Variants in BOK observed in about 807,000 individuals in gnomAD.
BOK encodes the protein BCL2 family apoptosis regulator BOK.
Under a neutral mutation model 18.3 loss-of-function variants are expected in BOK, and 20 were observed. The ratio of observed to expected loss-of-function variants is 1.09; its 90% confidence interval spans 0.77 to 1.59. The LOEUF is 1.59. Ranked by LOEUF, BOK falls within the 40% of genes most tolerant of loss-of-function variation. The pLI, the probability that BOK is intolerant of heterozygous loss-of-function variation, is 0.00. For synonymous variants in BOK, 173 were observed against 142.4 expected (o/e 1.21, Z -1.53); for missense variants, 348 against 307.9 (o/e 1.13, Z -0.97).
chr2:241,571,249 T>G (rs2066713852), intron 4 of BOK, among the ~76,000 whole-genome samples: 1 of 147,364 alleles, frequency 6.8e-6, no homozygotes, highest in African/African-American at 2.4e-5. Context: ...GAGGGGTGGG[T>G]GTCAGAGCCA....
At chr2:241,565,425 A>T (rs2066595608) in intron 3 of BOK, among the ~76,000 whole-genome samples, 1 of 148,620 alleles carries the variant, frequency 6.7e-6, no homozygotes, top group Non-Finnish European at 1.5e-5. Context: ...TGGCAGTTGC[A>T]CCCCCAGCCC....
chr2:241,555,854 C>G (rs2066446892), upstream of BOK, among the ~76,000 whole-genome samples: 1 of 152,186 alleles, frequency 6.6e-6, no homozygotes, highest in Non-Finnish European at 1.5e-5. Context: ...AGACAGGAAG[C>G]AGGAAGTATG....
Position 241,562,788 on chromosome 2 carries a change from G to C in BOK, c.349+312G>C, listed in dbSNP as rs1173950616. Reference sequence around the variant, plus strand: ...GACCTGCAGTCCTGTGGGGTGGCACGTCCTAGGGCTGCCTGGTTTCCTGCA... The same window carrying C: ...GACCTGCAGTCCTGTGGGGTGGCACCTCCTAGGGCTGCCTGGTTTCCTGCA... On this transcript the variant is annotated intron_variant, in intron 3 of 4. Transcript: ENST00000318407. This position sits in a 1 kb window ranked among gnomAD's most constrained non-coding sequence, Gnocchi z 4.5. Among the ~76,000 whole-genome samples the C allele has an allele frequency of 2.0e-5, 3 of 152,192 alleles. No individual in the cohort carries two copies. The highest frequency in any genetic ancestry group is 7.2e-5 in the African/African-American group (3 of 41,438).
At position 241,572,393 on chromosome 2, in the gene BOK, G is replaced by C; in HGVS notation, c.610G>C (p.Ala204Pro). 2 of 1,602,372 alleles carry C rather than the reference G, an allele frequency of 1.2e-6. No individual in the cohort carries two copies. The highest frequency in any genetic ancestry group is 1.7e-6 in the Non-Finnish European group (2 of 1,178,912). Residue 204 changes from alanine (A) to proline (P), a missense_variant, in exon 5 of 5, where the codon GCC (alanine) becomes CCC (proline). Physicochemically the swap from Ala to Pro is conservative, Grantham distance 27 (BLOSUM62 -1). Transcript: ENST00000318407. Reference protein sequence around the residue: ...LCSFGRFLKAAFFVLLPER With the variant: ...LCSFGRFLKAPFFVLLPER ...CAGCTTCGGCCGCTTCCTGAAGGCT[G>C]CCTTCTTCGTGCTGCTGCCAGAGAG...
In BOK at chr2:241,560,067, A is replaced by G. The variant is rs939582003; in HGVS notation, c.220+364A>G. ...CGTGTCCCGATGTTTATTTTGGAAA[A>G]CAGATTCTTGCTGTTACTGGCCGAG... is the stretch of plus-strand genomic sequence containing the variant. On this transcript the variant is annotated intron_variant, in intron 2 of 4. Transcript: ENST00000318407. 3.0e-6 allele frequency: 3 copies of G among 985,128 alleles called. No homozygotes were observed. In the African/African-American group the frequency reaches 5.2e-5, roughly 17 times the overall value. 61.0% of individuals were successfully genotyped at this position (985,128 alleles called of 1,614,324 possible).
chr2:241,551,775 A>G (rs1429066164), intron 1 of BOK, among the ~76,000 whole-genome samples: 2 of 152,200 alleles, frequency 1.3e-5, no homozygotes, highest in East Asian at 3.9e-4. Flanking sequence ...AAGTGAAAAC[A>G]CAGGAATCTC....
chr2:241,564,445 G>A lies in BOK; in HGVS notation c.349+1969G>A, dbSNP rs546752972. Among the ~76,000 whole-genome samples the A allele has an allele frequency of 1.1e-4, 17 of 152,140 alleles. No individual in the cohort carries two copies. The South Asian group carries it at 2.5e-3, about 22-fold the overall frequency. On this transcript the variant is annotated intron_variant, in intron 3 of 4. Coordinates refer to ENST00000318407, the MANE Select transcript of BOK (RefSeq NM_032515.5). Reference sequence around the variant, plus strand: ...GGCAGTTTGGCTCCAAGGCCCCCACGTGGCAGCTGAGGGTGGGGGGCCGGG... The same window carrying A: ...GGCAGTTTGGCTCCAAGGCCCCCACATGGCAGCTGAGGGTGGGGGGCCGGG...
At chr2:241,552,781 C>A (rs2066423557) in intron 1 of BOK, among the ~76,000 whole-genome samples, 1 of 152,222 alleles carries the variant, frequency 6.6e-6, no homozygotes, top group African/African-American at 2.4e-5. Flanking sequence ...CACCTTCCAG[C>A]CCATCAGGGA....
At chr2:241,561,815 G>A (rs2066529047) in intron 2 of BOK, among the ~76,000 whole-genome samples, 1 of 152,246 alleles carries the variant, frequency 6.6e-6, no homozygotes, top group African/African-American at 2.4e-5. Flanking sequence ...GCATCTGAGT[G>A]GTCCCTGAGC....
At chr2:241,555,738 C>G (rs1013506713), upstream of BOK, among the ~76,000 whole-genome samples, 1 of 152,222 alleles carries the variant, frequency 6.6e-6, no homozygotes, top group African/African-American at 2.4e-5. Flanking sequence ...TCCAGAGACA[C>G]AGCTTTACCT....
intron 3 of BOK, among the ~76,000 whole-genome samples, chr2:241,563,112 G>C (rs570032044): frequency 7.9e-5 from 12 of 152,114 alleles, no homozygotes; most frequent in South Asian, 4.2e-4. Context: ...CCTCCTGTGC[G>C]CTCCCATCTC....
chr2:241,553,584 A>T (rs2066429462), intron 1 of BOK, among the ~76,000 whole-genome samples: 1 of 152,220 alleles, frequency 6.6e-6, no homozygotes, highest in Non-Finnish European at 1.5e-5. Flanking sequence ...GACGTGTCTT[A>T]CGAGGCGGAA....
At chr2:241,551,911 G>A (rs1387156568) in intron 1 of BOK, among the ~76,000 whole-genome samples, 1 of 152,154 alleles carries the variant, frequency 6.6e-6, no homozygotes, top group African/African-American at 2.4e-5. Context: ...TGGAGTGGGG[G>A]TGACCCGTGG....
At chr2:241,561,165 G>A (rs186562177) in intron 2 of BOK, among the ~76,000 whole-genome samples, 1 of 152,280 alleles carries the variant, frequency 6.6e-6, no homozygotes, top group African/African-American at 2.4e-5. Flanking sequence ...GGGATGGTCC[G>A]GTCAGCAGCA....
At chr2:241,556,731 G>A (rs759018675), upstream of BOK, among the ~76,000 whole-genome samples, 70 of 152,020 alleles carry the variant, frequency 4.6e-4, no homozygotes, top group Admixed American at 7.9e-4. Context: ...GACAGGTTTC[G>A]GTATTAAAAT....
Position 241,559,608 on chromosome 2 carries a change from G to T in BOK, c.125G>T (p.Arg42Leu). 1 of 1,481,412 alleles carries T rather than the reference G, an allele frequency of 6.8e-7. No homozygotes were observed. Among genetic ancestry groups the T allele is most frequent in the Non-Finnish European group, 8.9e-7 (1 of 1,123,110 alleles). The allele number at this position is 1,481,412 out of a possible 1,614,324, so 91.8% of individuals were successfully genotyped here. The change falls in exon 2 of 5, where the codon CGG becomes CTG. Residue 42 changes from arginine to leucine, a missense_variant. By Grantham distance (102) the Arg-to-Leu change is moderately radical. Coordinates refer to ENST00000318407, the MANE Select transcript of BOK (RefSeq NM_032515.5). ...KALGREYVHA[R>L]LLRAGLSWSA... is the part of the protein sequence containing the mutation. ...CTGGGCCGGGAGTACGTGCACGCGC[G>T]GCTGCTGCGCGCCGGCCTCTCCTGG...
Position 241,572,300 on chromosome 2 carries a change from G to A in BOK, c.517G>A (p.Asp173Asn). The A allele has an allele frequency of 6.2e-7, 1 of 1,611,232 alleles. No individual in the cohort carries two copies. The highest frequency in any genetic ancestry group is 1.1e-5 in the South Asian group (1 of 91,012). ...CGGTCTCCCTCTTCCCTCCCAGACT[G>A]ATGTCCTCAAGTGTGTGGTCAGCAC... ...TWLRRRGGWT[D>N]VLKCVVSTDP... Residue 173 changes from aspartate to asparagine, a missense_variant, in exon 5 of 5, where the codon GAT becomes AAT. Physicochemically the swap from Asp to Asn is conservative, Grantham distance 23. Coordinates refer to ENST00000318407, the MANE Select transcript of BOK (RefSeq NM_032515.5).
At chr2:241,569,229 T>C (rs2066665277) in intron 3 of BOK, among the ~76,000 whole-genome samples, 1 of 152,194 alleles carries the variant, frequency 6.6e-6, no homozygotes, top group Admixed American at 6.5e-5. Context: ...CTCCCCGGGT[T>C]CAAGTGATTC....
At chr2:241,558,410 C>A (rs1411412296), upstream of BOK, among the ~76,000 whole-genome samples, 4 of 152,206 alleles carry the variant, frequency 2.6e-5, no homozygotes, top group Non-Finnish European at 4.4e-5. Flanking sequence ...AAGATATTTG[C>A]AATAACTTCA....
Sources: allele counts gnomAD v4.1 joint callset (sites outside exome capture counted in the v4.1 genomes callset), GRCh38; gene constraint gnomAD v4.1.1; non-coding constraint Gnocchi (gnomAD v3.1); transcripts MANE v1.5; gene names NCBI Gene and HGNC (gene_info 2026-07-23, HGNC 2026-07-21).